LRMDA: variants seen among roughly 807,000 people sequenced by gnomAD.
LRMDA encodes the protein leucine rich melanocyte differentiation associated.
A neutral mutation model predicts 29.8 loss-of-function variants in LRMDA; 18 were observed. The observed-to-expected ratio is 0.60, with a 90% CI of 0.42 to 0.90. The LOEUF (loss-of-function observed/expected upper bound fraction) is 0.90, where lower values mean the gene tolerates loss of function less well. LRMDA is among the 40% of genes least tolerant of loss of function. LRMDA has a pLI of 0.00. For missense variants in LRMDA, 273 were observed against 273.9 expected, an observed-to-expected ratio of 1.00 and a Z score of 0.02; for synonymous variants, 125 against 109.4, an observed-to-expected ratio of 1.14 and a Z score of -0.89.
At chr10:76,329,105 GC>G (rs1266569849) in intron 6 of LRMDA, among the ~76,000 whole-genome samples, 2 of 152,142 alleles carry the variant, frequency 1.3e-5, no homozygotes, top group African/African-American at 2.4e-5. Context: ...TCCATGCGTT[GC>G]CCTGCTCCTC....
At chr10:76,178,606 T>C (rs1850984698) in intron 5 of LRMDA, among the ~76,000 whole-genome samples, 1 of 152,134 alleles carries the variant, frequency 6.6e-6, no homozygotes, top group Non-Finnish European at 1.5e-5. Flanking sequence ...GGGTGAGGAA[T>C]AGGAGAAACT....
At chr10:75,859,617 ACAC>A (rs545343550) in intron 2 of LRMDA, among the ~76,000 whole-genome samples, 61,250 of 147,776 alleles carry the variant, frequency 0.41, 12,838 homozygotes, top group South Asian at 0.56. Context: ...ACACACACAC[ACAC>A]ACACACACAC....
intron 2 of LRMDA, among the ~76,000 whole-genome samples, chr10:75,506,256 T>C (rs1185434653): frequency 6.6e-6 from 1 of 152,088 alleles, no homozygotes; most frequent in Non-Finnish European, 1.5e-5. Context: ...TGATGGGGAA[T>C]AGGAGGGCAT....
intron 6 of LRMDA, among the ~76,000 whole-genome samples, chr10:76,479,127 A>T (rs1389052927): frequency 6.6e-6 from 1 of 151,966 alleles, no homozygotes; most frequent in African/African-American, 2.4e-5. Flanking sequence ...AGGTTTCATA[A>T]TAAAAAAAGA....
chr10:75,942,515 C>A (rs532771388), intron 2 of LRMDA, among the ~76,000 whole-genome samples: 1 of 152,102 alleles, frequency 6.6e-6, no homozygotes, highest in Non-Finnish European at 1.5e-5. Context: ...TAACCACTTG[C>A]GGGAAGTTAA....
intron 5 of LRMDA, among the ~76,000 whole-genome samples, chr10:76,237,869 G>GCAACCTCT (rs1448769202): frequency 2.9e-5 from 4 of 138,816 alleles, no homozygotes; most frequent in Non-Finnish European, 6.0e-5. Context: ...TTGGCTCACT[G>GCAACCTCT]CAACCTCTGC....
At chr10:75,470,513 G>C (rs576538632) in intron 2 of LRMDA, among the ~76,000 whole-genome samples, 1 of 152,164 alleles carries the variant, frequency 6.6e-6, no homozygotes, top group African/African-American at 2.4e-5. Flanking sequence ...ACAAAGACCC[G>C]TAAAGCCGAA....
At position 75,872,428 on chromosome 10, in the gene LRMDA, C is replaced by T. The variant is rs145556856; in HGVS notation, c.132-163580C>T. Among the ~76,000 whole-genome samples, 234 of 152,190 alleles carry T rather than the reference C, an allele frequency of 1.5e-3. 6 individuals carry two copies. The East Asian group carries it at 0.041, about 27-fold the overall frequency. ...AAGCGATTCTCCTGCCTCAGCCTCCCGCGTAGCTGGGACTACAGTTGTGTG... is the reference window on the plus strand; with the variant it reads ...AAGCGATTCTCCTGCCTCAGCCTCCTGCGTAGCTGGGACTACAGTTGTGTG... On this transcript the variant is annotated intron_variant, in intron 2 of 6. Coordinates refer to ENST00000611255, the MANE Select transcript of LRMDA (RefSeq NM_001305581.2).
intron 2 of LRMDA, among the ~76,000 whole-genome samples, chr10:75,813,149 C>G (rs984786696): frequency 6.6e-6 from 1 of 152,098 alleles, no homozygotes; most frequent in African/African-American, 2.4e-5. Context: ...AATGGATAGG[C>G]AAGAGTCTGA....
intron 5 of LRMDA, among the ~76,000 whole-genome samples, chr10:76,315,003 G>C (rs1210638958): frequency 6.6e-6 from 1 of 152,156 alleles, no homozygotes; most frequent in African/African-American, 2.4e-5. Flanking sequence ...AAGCCTAGGA[G>C]GGTTTTCTTT....
chr10:75,825,087 G>C (rs983656178), intron 2 of LRMDA, among the ~76,000 whole-genome samples: 1 of 152,174 alleles, frequency 6.6e-6, no homozygotes, highest in Non-Finnish European at 1.5e-5. Context: ...AGGAGATGTG[G>C]AACACAGGAT....
intron 6 of LRMDA, among the ~76,000 whole-genome samples, chr10:76,349,982 A>G (rs961905265): frequency 6.6e-6 from 1 of 152,136 alleles, no homozygotes; most frequent in African/African-American, 2.4e-5. Context: ...ATAACATTCA[A>G]TATGGACAAA....
chr10:75,742,685 A>T (rs1311554826), intron 2 of LRMDA: 1 of 152,210 alleles, frequency 6.6e-6, no homozygotes, highest in Admixed American at 6.5e-5. Context: ...CAGGTGAATC[A>T]TTCTGAACAG....
chr10:75,541,927 T>TA (rs1840022176), intron 2 of LRMDA, among the ~76,000 whole-genome samples: 2 of 152,202 alleles, frequency 1.3e-5, no homozygotes, highest in Admixed American at 1.3e-4. Context: ...CTAATGTTAT[T>TA]AATCAGTGTG....
At chr10:75,817,165 A>G (rs896170699) in intron 2 of LRMDA, among the ~76,000 whole-genome samples, 1 of 152,204 alleles carries the variant, frequency 6.6e-6, no homozygotes, top group African/African-American at 2.4e-5. Flanking sequence ...TGGAATATGA[A>G]TAAGGCAGTG....
intron 5 of LRMDA, among the ~76,000 whole-genome samples, chr10:76,276,043 ATCTATCTATCTCTTTCTTTC>A (rs1487734369): frequency 4.8e-5 from 7 of 146,798 alleles, no homozygotes; most frequent in African/African-American, 7.9e-5. Context: ...CTATCTATCT[ATCTATCTATCTCTTTCTTTC>A]TCTCTTTCTT....
intron 6 of LRMDA, among the ~76,000 whole-genome samples, chr10:76,394,638 G>A (rs544862585): frequency 6.6e-6 from 1 of 152,234 alleles, no homozygotes; most frequent in East Asian, 1.9e-4. Flanking sequence ...GAAAATACTT[G>A]TCTATGTGAT....
chr10:75,447,854 A>G (rs1844412354), intron 2 of LRMDA, among the ~76,000 whole-genome samples: 1 of 152,148 alleles, frequency 6.6e-6, no homozygotes, highest in Non-Finnish European at 1.5e-5. Flanking sequence ...GTGCTACTGC[A>G]CTCCAGCCTG....
chr10:75,979,408 C>T (rs1358288851), intron 2 of LRMDA, among the ~76,000 whole-genome samples: 1 of 152,120 alleles, frequency 6.6e-6, no homozygotes, highest in Non-Finnish European at 1.5e-5. Flanking sequence ...TAAAGTGGCT[C>T]CATATATGAT....
Sources: allele counts gnomAD v4.1 joint callset (sites outside exome capture counted in the v4.1 genomes callset), GRCh38; gene constraint gnomAD v4.1.1; transcripts MANE v1.5; gene names NCBI Gene and HGNC (gene_info 2026-07-23, HGNC 2026-07-21).